ZNF609: variants seen among roughly 807,000 people sequenced by gnomAD.
ZNF609 encodes zinc finger protein 609.
In ZNF609, 11 loss-of-function variants were observed where a neutral mutation model predicts 109.5. That is an observed-to-expected ratio of 0.10 (90% confidence interval 0.06 to 0.17). ZNF609 has a LOEUF of 0.17. Among genes scored for constraint, ZNF609 ranks in the 10% least tolerant of loss-of-function variants. The pLI is 1.00. For synonymous variants in ZNF609, 646 were observed against 662.0 expected (o/e 0.98, Z 0.37); for missense variants, 1,559 against 1,772.4 (o/e 0.88, Z 2.16).
At chr15:64,576,956 GTA>G (rs1349801081) in intron 2 of ZNF609, among the ~76,000 whole-genome samples, 1 of 121,152 alleles carries the variant, frequency 8.3e-6, no homozygotes, top group Non-Finnish European at 1.7e-5. Flanking sequence ...ATACATATAT[GTA>G]TATATACACA....
At chr15:64,564,804 A>G (rs553917894) in intron 2 of ZNF609, among the ~76,000 whole-genome samples, 7 of 151,830 alleles carry the variant, frequency 4.6e-5, no homozygotes, top group Non-Finnish European at 8.8e-5. Context: ...AATGATAGTA[A>G]TGTCACTGAT....
At chr15:64,521,113 T>C (rs951829406) in intron 2 of ZNF609, among the ~76,000 whole-genome samples, 6 of 152,220 alleles carry the variant, frequency 3.9e-5, no homozygotes, top group African/African-American at 1.2e-4. Flanking sequence ...AGAGAAATCC[T>C]TGGATAGCAC....
At position 64,645,057 on chromosome 15, in the gene ZNF609, C is replaced by A. The variant is rs369371245; in HGVS notation, c.973+22005C>A. On this transcript the variant is annotated intron_variant, in intron 3 of 9. Transcript: ENST00000326648. Reference sequence around the variant, plus strand: ...TCTTCCTTCCTTTCTTTCTTCCTTTCTTCCTTCCTTCCTTCCTTCCTTTCT... The same window carrying A: ...TCTTCCTTCCTTTCTTTCTTCCTTTATTCCTTCCTTCCTTCCTTCCTTTCT... Among the ~76,000 whole-genome samples, 3 of 129,478 alleles carry A rather than the reference C, an allele frequency of 2.3e-5. No homozygotes were observed. In the Admixed American group the frequency reaches 2.5e-4, roughly 11 times the overall value. The allele number at this position is 129,478 out of a possible 152,430, so 84.9% of individuals were successfully genotyped here. A position where few individuals can be genotyped will look rare whatever the true frequency, so the allele number is the denominator to read the frequency against.
At chr15:64,519,875 TC>T (rs2140363630) in intron 2 of ZNF609, among the ~76,000 whole-genome samples, 1 of 152,320 alleles carries the variant, frequency 6.6e-6, no homozygotes, top group Non-Finnish European at 1.5e-5. Flanking sequence ...TCTCCGTATC[TC>T]ATTTTCCTTA....
At chr15:64,673,267 A>G (rs1339429805) in intron 4 of ZNF609, among the ~76,000 whole-genome samples, 2 of 152,174 alleles carry the variant, frequency 1.3e-5, no homozygotes, top group Non-Finnish European at 2.9e-5. Context: ...CTGGAACAAG[A>G]GAGTCAAAAC....
intron 2 of ZNF609, among the ~76,000 whole-genome samples, chr15:64,511,776 G>A (rs533793259): frequency 6.7e-6 from 1 of 149,628 alleles, no homozygotes; most frequent in Non-Finnish European, 1.5e-5. Flanking sequence ...GTGCAGTGGC[G>A]CGATCTAGGC....
At chr15:64,557,703 C>CT (rs1166582826) in intron 2 of ZNF609, among the ~76,000 whole-genome samples, 3 of 151,930 alleles carry the variant, frequency 2.0e-5, no homozygotes, top group African/African-American at 4.8e-5. Flanking sequence ...GAAAGATTTT[C>CT]TGGTTTTTTT....
At chr15:64,579,086 T>C (rs1895049728) in intron 2 of ZNF609, among the ~76,000 whole-genome samples, 1 of 152,046 alleles carries the variant, frequency 6.6e-6, no homozygotes, top group African/African-American at 2.4e-5. Context: ...AAAAAAGATT[T>C]GCATCTACAT....
intron 2 of ZNF609, among the ~76,000 whole-genome samples, chr15:64,620,857 A>G (rs772944228): frequency 1.2e-4 from 18 of 152,196 alleles, no homozygotes; most frequent in Non-Finnish European, 2.2e-4. Flanking sequence ...AAGGCCAGGA[A>G]GGTGTTTGTC....
Position 64,500,074 on chromosome 15 carries a change from C to G in ZNF609, c.655C>G (p.Pro219Ala), listed in dbSNP as rs111749212. The change falls in exon 2 of 10, where the codon CCT (proline) becomes GCT (alanine). Residue 219 changes from proline (P) to alanine (A), a missense_variant. By Grantham distance (27) the Pro-to-Ala change is conservative (BLOSUM62 -1). Around this residue, in one of 4 missense-constraint regions of ZNF609, gnomAD observed 291 missense variants for 317.8 expected, o/e 0.92. Coordinates refer to ENST00000326648, the MANE Select transcript of ZNF609 (RefSeq NM_015042.2). ...GCCACTTGGGAGTATAGCTATTGAG[C>G]CTGGGGCAGCGCTCAATCCTTTGGG... The part of the protein sequence containing the change: ...VEPLGSIAIE[P>A]GAALNPLGTK... 18 of 1,613,900 alleles carry G rather than the reference C, an allele frequency of 1.1e-5. No homozygotes were observed. Among genetic ancestry groups the G allele is most frequent in the Non-Finnish European group, 1.5e-5 (18 of 1,179,996 alleles).
chr15:64,636,216 A>G (rs1019507683), intron 3 of ZNF609, among the ~76,000 whole-genome samples: 3 of 152,116 alleles, frequency 2.0e-5, no homozygotes, highest in African/African-American at 7.2e-5. Flanking sequence ...AGGCCCTGCT[A>G]CTCACTAATT....
chr15:64,613,394 T>C (rs981123031), intron 2 of ZNF609, among the ~76,000 whole-genome samples: 3 of 152,178 alleles, frequency 2.0e-5, no homozygotes, highest in Non-Finnish European at 4.4e-5. Context: ...TGGGATTTAC[T>C]CAGGGTATTC....
intron 3 of ZNF609, among the ~76,000 whole-genome samples, chr15:64,625,977 A>G: frequency 7.0e-6 from 1 of 143,380 alleles, no homozygotes; most frequent in Non-Finnish European, 1.5e-5. Flanking sequence ...AGAGGATATT[A>G]AAATATTGCT....
At chr15:64,483,013 CTT>C (rs1366973157) in intron 1 of ZNF609, among the ~76,000 whole-genome samples, 6 of 152,110 alleles carry the variant, frequency 3.9e-5, no homozygotes, top group Admixed American at 2.0e-4. Flanking sequence ...TATTTATAGT[CTT>C]TTTATGTAAA....
At chr15:64,655,564 C>A (rs1320316006) in intron 3 of ZNF609, among the ~76,000 whole-genome samples, 1 of 151,872 alleles carries the variant, frequency 6.6e-6, no homozygotes, top group East Asian at 1.9e-4. Flanking sequence ...TGGTGGCTCA[C>A]GCCTGTAATC....
Position 64,599,057 on chromosome 15 carries a change from G to A in ZNF609, c.748-23770G>A, listed in dbSNP as rs78071193. 8.2e-4 allele frequency among the ~76,000 whole-genome samples: 122 copies of A among 148,816 alleles called. 4 individuals are homozygous for A. In the East Asian group the frequency reaches 0.015, roughly 18 times the overall value. ...TAAAAATACTCACATGACCCCTTCA[G>A]ATTTTACACTGAAGACCTATCTACT... On this transcript the variant is annotated intron_variant, in intron 2 of 9. Transcript: ENST00000326648.
chr15:64,529,076 A>G (rs1894016038), intron 2 of ZNF609: 5 of 1,075,280 alleles, frequency 4.6e-6, no homozygotes, highest in South Asian at 2.6e-5. Context: ...AGAGCCCTGC[A>G]GCCATCACGT....
intron 2 of ZNF609, among the ~76,000 whole-genome samples, chr15:64,591,306 T>C (rs753456752): frequency 1.4e-4 from 21 of 152,114 alleles, no homozygotes; most frequent in Non-Finnish European, 2.8e-4. Flanking sequence ...CATGCACCTG[T>C]AGTCCCAGCT....
At chr15:64,621,767 CTTTT>C (rs11327193) in intron 2 of ZNF609, among the ~76,000 whole-genome samples, 18 of 138,426 alleles carry the variant, frequency 1.3e-4, no homozygotes, top group East Asian at 4.2e-4. Flanking sequence ...TTGCTTCTTT[CTTTT>C]TTTTTTTTTT....
Sources: allele counts gnomAD v4.1 joint callset (sites outside exome capture counted in the v4.1 genomes callset), GRCh38; gene constraint gnomAD v4.1.1; regional missense constraint gnomAD v4.1.1; transcripts MANE v1.5; gene names NCBI Gene and HGNC (gene_info 2026-07-23, HGNC 2026-07-21).